Variants in NPFFR2 observed in about 807,000 individuals in gnomAD.
NPFFR2 encodes the protein G-protein coupled receptor 74.
In NPFFR2, 15 loss-of-function variants were observed where a neutral mutation model predicts 13.1. That is an observed-to-expected ratio of 1.15 (90% confidence interval 0.77 to 1.76). NPFFR2 has a LOEUF of 1.76. NPFFR2 is among the 40% of genes most tolerant of loss of function. The pLI, the probability that NPFFR2 is intolerant of heterozygous loss-of-function variation, is 0.00. For missense variants in NPFFR2, 572 were observed against 503.5 expected (o/e 1.14, Z -1.30); for synonymous variants, 190 against 175.7 (o/e 1.08, Z -0.65).
intron 1 of NPFFR2, among the ~76,000 whole-genome samples, chr4:72,040,563 A>G (rs954292310): frequency 2.0e-5 from 3 of 152,132 alleles, no homozygotes; most frequent in East Asian, 1.9e-4. Context: ...CCTAAAAAGC[A>G]TATCTCCTTA....
chr4:72,137,774 T>G (rs1420557272), intron 2 of NPFFR2, among the ~76,000 whole-genome samples: 1 of 152,164 alleles, frequency 6.6e-6, no homozygotes, highest in African/African-American at 2.4e-5. Flanking sequence ...CAAAAGCCTG[T>G]TGTGAGGATT....
chr4:72,067,625 AG>A (rs1358191329), intron 1 of NPFFR2, among the ~76,000 whole-genome samples: 1 of 26,844 alleles, frequency 3.7e-5, no homozygotes, highest in Admixed American at 3.7e-4. Flanking sequence ...TTCCTTCTTC[AG>A]TTTTTTTTCT....
intron 1 of NPFFR2, among the ~76,000 whole-genome samples, chr4:72,045,299 A>G (rs1003755319): frequency 6.6e-6 from 1 of 152,170 alleles, no homozygotes; most frequent in African/African-American, 2.4e-5. Context: ...AGAAATCTCC[A>G]CATTGTTTTC....
intron 2 of NPFFR2, among the ~76,000 whole-genome samples, chr4:72,132,512 C>A (rs1052291947): frequency 6.6e-6 from 1 of 152,042 alleles, no homozygotes; most frequent in Non-Finnish European, 1.5e-5. Context: ...GGGTATATAC[C>A]TAGTATTGGG....
intron 2 of NPFFR2, among the ~76,000 whole-genome samples, chr4:72,131,363 G>T (rs550411645): frequency 6.8e-6 from 1 of 146,472 alleles, no homozygotes; most frequent in East Asian, 2.1e-4. Context: ...GGTGTACACC[G>T]CATATTCTCA....
At chr4:72,053,813 T>C (rs1408013659) in intron 1 of NPFFR2, among the ~76,000 whole-genome samples, 1 of 151,870 alleles carries the variant, frequency 6.6e-6, no homozygotes, top group African/African-American at 2.4e-5. Flanking sequence ...AGTACAGTGT[T>C]AAAACAGAAA....
chr4:72,050,107 C>G (rs1308246678), intron 1 of NPFFR2, among the ~76,000 whole-genome samples: 1 of 151,886 alleles, frequency 6.6e-6, no homozygotes, highest in Non-Finnish European at 1.5e-5. Context: ...ACAAATCATG[C>G]CTATGTAATG....
intron 1 of NPFFR2, among the ~76,000 whole-genome samples, chr4:72,091,807 G>A (rs1247473315): frequency 6.6e-6 from 1 of 151,748 alleles, no homozygotes; most frequent in African/African-American, 2.4e-5. Context: ...TTTATGTTTT[G>A]TATTTTTTGT....
At chr4:72,047,500 T>C (rs1184797571) in intron 1 of NPFFR2, among the ~76,000 whole-genome samples, 1 of 152,114 alleles carries the variant, frequency 6.6e-6, no homozygotes, top group Non-Finnish European at 1.5e-5. Flanking sequence ...ACATTTTGAT[T>C]TAACCCTTTT....
chr4:72,134,978 C>G lies in NPFFR2; in HGVS notation c.329-3062C>G, dbSNP rs570898439. On this transcript the variant is annotated intron_variant, in intron 2 of 3. Coordinates refer to ENST00000308744, the MANE Select transcript of NPFFR2 (RefSeq NM_004885.3). ...TTTATTGAGATGAAACGTTTGAGCT[C>G]TTATTTGTCTGCAAGTATCTTTATT... is the stretch of plus-strand genomic sequence containing the variant. Among the ~76,000 whole-genome samples, 4 of 152,166 alleles carry G rather than the reference C, an allele frequency of 2.6e-5. No individual in the cohort carries two copies. In the South Asian group the frequency reaches 8.3e-4, roughly 32 times the overall value.
chr4:72,147,854 T>C lies in NPFFR2; in HGVS notation c.*42T>C, dbSNP rs780663689. 3 of 1,355,300 alleles carry C rather than the reference T, an allele frequency of 2.2e-6. No individual in the cohort carries two copies. Among genetic ancestry groups the C allele is most frequent in the Non-Finnish European group, 3.0e-6 (3 of 1,006,502 alleles). The allele number at this position is 1,355,300 out of a possible 1,614,324, so 84.0% of individuals were successfully genotyped here. On this transcript the variant is annotated 3_prime_UTR_variant, in exon 4 of 4. Coordinates refer to ENST00000308744, the MANE Select transcript of NPFFR2 (RefSeq NM_004885.3). The stretch of plus-strand genomic sequence containing the variant: ...AATCCTAACTCTACTACGCATTATA[T>C]ATTTAAATCCATTGCTTTTTGTGGC...
chr4:72,081,206 G>T (rs750713317), intron 1 of NPFFR2, among the ~76,000 whole-genome samples: 14 of 152,224 alleles, frequency 9.2e-5, no homozygotes, highest in Admixed American at 3.9e-4. Context: ...TTTTTTAAAA[G>T]AAAATTTTAT....
intron 1 of NPFFR2, among the ~76,000 whole-genome samples, chr4:72,124,116 AG>A (rs1721969290): frequency 6.6e-6 from 1 of 152,196 alleles, no homozygotes. Context: ...CCTATATACC[AG>A]TAATAGAAAA....
At chr4:72,077,450 C>A (rs551322786) in intron 1 of NPFFR2, among the ~76,000 whole-genome samples, 1 of 152,256 alleles carries the variant, frequency 6.6e-6, no homozygotes, top group South Asian at 2.1e-4. Context: ...CATACACTGA[C>A]AACTGAGGTT....
chr4:72,145,464 G>A (rs563060980), intron 3 of NPFFR2, among the ~76,000 whole-genome samples: 229 of 151,724 alleles, frequency 1.5e-3, no homozygotes, highest in African/African-American at 4.9e-3. Flanking sequence ...TTATATATTT[G>A]TTTAATAAGT....
At chr4:72,109,018 C>A (rs577756112) in intron 1 of NPFFR2, among the ~76,000 whole-genome samples, 1 of 152,062 alleles carries the variant, frequency 6.6e-6, no homozygotes, top group African/African-American at 2.4e-5. Context: ...TCTAATACAC[C>A]TTGTAGCTAT....
In NPFFR2 at chr4:72,127,643, G is replaced by A. The variant is rs533272704; in HGVS notation, c.-7-942G>A. On this transcript the variant is annotated intron_variant, in intron 1 of 3. Transcript: ENST00000308744. Reference sequence around the variant, plus strand: ...CTCCCAAAGTGCTGGGATTACAGGCGTGAGCCACCGCGCCCGGCCCAATAA... The same window carrying A: ...CTCCCAAAGTGCTGGGATTACAGGCATGAGCCACCGCGCCCGGCCCAATAA... Among the ~76,000 whole-genome samples the A allele has an allele frequency of 1.9e-4, 29 of 149,694 alleles. No homozygotes were observed. In the South Asian group the frequency reaches 2.4e-3, roughly 12 times the overall value.
intron 1 of NPFFR2, among the ~76,000 whole-genome samples, chr4:72,050,374 A>C (rs1719507880): frequency 6.6e-6 from 1 of 152,018 alleles, no homozygotes; most frequent in South Asian, 2.1e-4. Flanking sequence ...AAACTGAAAA[A>C]CTAGTTCAGT....
At chr4:72,107,090 G>C (rs771193333) in intron 1 of NPFFR2, among the ~76,000 whole-genome samples, 80 of 151,608 alleles carry the variant, frequency 5.3e-4, no homozygotes, top group Admixed American at 7.9e-4. Context: ...TTTTATTCCT[G>C]TTCCTGCCTC....
Sources: gnomAD v4.1 joint callset for allele counts (sites outside exome capture counted in the v4.1 genomes callset) on GRCh38, gnomAD v4.1.1 for gene constraint, MANE v1.5 for transcripts, NCBI Gene and HGNC (gene_info 2026-07-23, HGNC 2026-07-21) for gene names.